The following GYS2 variants were observed in gnomAD, a reference collection of about 807,000 sequenced individuals.
The protein encoded by GYS2 is glycogen synthase 2.
GYS2 carries 80 observed loss-of-function variants against 85.6 expected under a neutral mutation model. The ratio of observed to expected loss-of-function variants is 0.93; its 90% CI spans 0.78 to 1.13. The LOEUF (loss-of-function observed/expected upper bound fraction) is 1.13. Ranked by LOEUF, GYS2 falls within the 50% of genes most tolerant of loss-of-function variation. GYS2 has a pLI of 0.00. For synonymous variants in GYS2, 328 were observed against 300.7 expected (o/e 1.09, Z -0.94); for missense variants, 881 against 854.9 (o/e 1.03, Z -0.38).
intron 1 of GYS2, among the ~76,000 whole-genome samples, chr12:21,602,117 T>C (rs1565615359): frequency 1.3e-5 from 2 of 152,148 alleles, no homozygotes; most frequent in African/African-American, 4.8e-5. Flanking sequence ...AACATTCATT[T>C]TATTCATGAA....
intron 1 of GYS2, among the ~76,000 whole-genome samples, chr12:21,585,682 A>C (rs540297753): frequency 1.1e-4 from 17 of 152,326 alleles, no homozygotes; most frequent in South Asian, 8.3e-4. Context: ...CCAATTGCAG[A>C]TACAAGGACT....
At position 21,540,369 on chromosome 12, in the gene GYS2, AT is replaced by A. The variant is rs771034438; in HGVS notation, c.1809+40del. 6 of 1,557,768 alleles carry A rather than the reference AT, an allele frequency of 3.9e-6. No individual in the cohort carries two copies. The South Asian group carries it at 6.7e-5, about 17-fold the overall frequency. Reference sequence around the variant, plus strand: ...ATCAATATGTTTATAGTCCAGTGGAATTTTTTAAGTGGTCTGCTGTGTTTAT... The same window carrying A: ...ATCAATATGTTTATAGTCCAGTGGAATTTTTAAGTGGTCTGCTGTGTTTAT... On this transcript the variant is annotated intron_variant, in intron 14 of 15. Transcript: ENST00000261195.
At chr12:21,544,196 G>T (rs368423573) in intron 12 of GYS2, among the ~76,000 whole-genome samples, 3 of 152,102 alleles carry the variant, frequency 2.0e-5, no homozygotes, top group South Asian at 2.1e-4. Flanking sequence ...ACCAGAAGTC[G>T]CATTCTTCCT....
At position 21,551,001 on chromosome 12, in the gene GYS2, CTTTTT is replaced by C. The variant is rs71452232; in HGVS notation, c.1423-4536_1423-4532del. Among the ~76,000 whole-genome samples, 9 of 142,672 alleles carry C rather than the reference CTTTTT, an allele frequency of 6.3e-5. No homozygotes were observed. In the South Asian group the frequency reaches 1.7e-3, roughly 27 times the overall value. The allele number at this position is 142,672 out of a possible 152,430, so 93.6% of individuals were successfully genotyped here. ...TTTTACACAAGCACTCTACACTTTTCTTTTTTTTTTAATTTTTTTTTATTATACTT... is the reference window on the plus strand; with the variant it reads ...TTTTACACAAGCACTCTACACTTTTCTTTTTAATTTTTTTTTATTATACTT... On this transcript the variant is annotated intron_variant, in intron 11 of 15. Coordinates refer to ENST00000261195, the MANE Select transcript of GYS2 (RefSeq NM_021957.4).
chr12:21,560,386 C>A lies in GYS2; in HGVS notation c.1169G>T (p.Trp390Leu). 6.6e-7 allele frequency: 1 copy of A among 1,518,552 alleles called. No homozygotes were observed. The highest frequency in any genetic ancestry group is 9.1e-7 in the Non-Finnish European group (1 of 1,093,016). 94.1% of individuals were successfully genotyped at this position (1,518,552 alleles called of 1,614,324 possible). Reference protein sequence around the residue: ...LKGQAVRKQLWDVAHSVKEKF... With the variant: ...LKGQAVRKQLLDVAHSVKEKF... Reference sequence around the variant, plus strand: ...GAACATTCACAGGTTGTGAGATTACCACAGCTGTTTTCGCACTGCTTGTCC... The same window carrying A: ...GAACATTCACAGGTTGTGAGATTACAACAGCTGTTTTCGCACTGCTTGTCC... The change falls in exon 8 of 16, where the codon TGG (tryptophan) becomes TTG (leucine). Residue 390 changes from tryptophan to leucine, a missense_variant and splice_region_variant. Transcript: ENST00000261195.
chr12:21,571,124 T>C (rs990042055), intron 4 of GYS2, among the ~76,000 whole-genome samples: 12 of 152,142 alleles, frequency 7.9e-5, no homozygotes, highest in African/African-American at 2.9e-4. Context: ...TATGCACAAA[T>C]ACAGAGGCAG....
At position 21,555,716 on chromosome 12, in the gene GYS2, C is replaced by A. The variant is rs1944171195; in HGVS notation, c.1422+2484G>T. Among the ~76,000 whole-genome samples, 4 of 152,220 alleles carry A rather than the reference C, an allele frequency of 2.6e-5. No homozygotes were observed. The South Asian group carries it at 8.3e-4, about 32-fold the overall frequency. Reference sequence around the variant, plus strand: ...CCTAATTCCTGTTTTACATTCCTTCCCTGTTTATATAAATCCCCCAATTTT... The same window carrying A: ...CCTAATTCCTGTTTTACATTCCTTCACTGTTTATATAAATCCCCCAATTTT... On this transcript the variant is annotated intron_variant, in intron 11 of 15. Transcript: ENST00000261195.
intron 2 of GYS2, among the ~76,000 whole-genome samples, chr12:21,577,751 C>A (rs1944462787): frequency 1.3e-5 from 2 of 152,054 alleles, no homozygotes; most frequent in South Asian, 2.1e-4. Flanking sequence ...ATTTTTTCAC[C>A]CCCAGAAACT....
At position 21,562,908 on chromosome 12, in the gene GYS2, G is replaced by A; in HGVS notation, c.1062+10C>T. The A allele has an allele frequency of 6.2e-7, 1 of 1,611,960 alleles. No homozygotes were observed. The highest frequency in any genetic ancestry group is 1.1e-5 in the South Asian group (1 of 91,056). ...CAAGAGTGTTATACCATGTCCTAGAGCTTTCTTACCCTCAGCAGGAAATTT... is the reference window on the plus strand; with the variant it reads ...CAAGAGTGTTATACCATGTCCTAGAACTTTCTTACCCTCAGCAGGAAATTT... On this transcript the variant is annotated intron_variant, in intron 7 of 15. Coordinates refer to ENST00000261195, the MANE Select transcript of GYS2 (RefSeq NM_021957.4).
At chr12:21,587,046 A>G (rs1036655990) in intron 1 of GYS2, among the ~76,000 whole-genome samples, 1 of 152,184 alleles carries the variant, frequency 6.6e-6, no homozygotes, top group African/African-American at 2.4e-5. Flanking sequence ...TTAGAACTGG[A>G]GGACATTATC....
intron 15 of GYS2, 149 bp from the exon 16 acceptor site, chr12:21,537,324 A>T: frequency 1.5e-6 from 1 of 676,832 alleles, no homozygotes; most frequent in Admixed American, 2.2e-5. Flanking sequence ...TTTGATTTTG[A>T]TACCACCAAT....
chr12:21,590,838 C>T (rs1042600161), intron 1 of GYS2, among the ~76,000 whole-genome samples: 2 of 152,080 alleles, frequency 1.3e-5, no homozygotes, highest in African/African-American at 2.4e-5. Flanking sequence ...ACAAATGCAC[C>T]CTAAGCCACT....
At chr12:21,546,696 G>T (rs1944044829) in intron 11 of GYS2, among the ~76,000 whole-genome samples, 1 of 152,118 alleles carries the variant, frequency 6.6e-6, no homozygotes, top group Non-Finnish European at 1.5e-5. Flanking sequence ...TTTCCCTCAG[G>T]TTCCAAGGCT....
At position 21,580,333 on chromosome 12, in the gene GYS2, T is replaced by C. The variant is rs1283952927; in HGVS notation, c.303+9A>G. ...TGAGAATTGCCAAGTGAAGTGTCAG[T>C]TCCTTTACCTGGCAGCCATGCTTAT... On this transcript the variant is annotated intron_variant, in intron 2 of 15. Transcript: ENST00000261195. The C allele has an allele frequency of 1.9e-6, 3 of 1,610,278 alleles. No homozygotes were observed. In the South Asian group the frequency reaches 3.3e-5, roughly 18 times the overall value.
chr12:21,553,118 T>C (rs1167420330), intron 11 of GYS2, among the ~76,000 whole-genome samples: 3 of 152,238 alleles, frequency 2.0e-5, no homozygotes, highest in Non-Finnish European at 4.4e-5. Context: ...GGCACATTCA[T>C]AGGTCATTGC....
intron 4 of GYS2, among the ~76,000 whole-genome samples, chr12:21,573,074 TTTAAA>T (rs1325933218): frequency 1.3e-5 from 2 of 152,202 alleles, no homozygotes; most frequent in Non-Finnish European, 2.9e-5. Flanking sequence ...TAGTTTGACC[TTTAAA>T]TTAGGCTGAC....
chr12:21,594,669 A>G (rs1384256640), intron 1 of GYS2, among the ~76,000 whole-genome samples: 3 of 152,134 alleles, frequency 2.0e-5, no homozygotes, highest in Non-Finnish European at 4.4e-5. Flanking sequence ...TGGCCATACT[A>G]CCCAAAGCAA....
At chr12:21,598,388 C>A (rs898749645) in intron 1 of GYS2, among the ~76,000 whole-genome samples, 1 of 151,980 alleles carries the variant, frequency 6.6e-6, no homozygotes, top group Non-Finnish European at 1.5e-5. Context: ...GTAAGTAAAT[C>A]TTTGTCCCTC....
intron 1 of GYS2, among the ~76,000 whole-genome samples, chr12:21,602,813 C>A (rs1004705817): frequency 6.6e-6 from 1 of 151,986 alleles, no homozygotes; most frequent in Non-Finnish European, 1.5e-5. Context: ...GGCGTGTTCC[C>A]AGTGCCCAGG....
Sources: gnomAD v4.1 joint callset for allele counts (sites outside exome capture counted in the v4.1 genomes callset) on GRCh38, gnomAD v4.1.1 for gene constraint, MANE v1.5 for transcripts, NCBI Gene and HGNC (gene_info 2026-07-23, HGNC 2026-07-21) for gene names.